Variants in RHCE observed in about 807,000 individuals in gnomAD.
RHCE encodes the protein Rh blood group CcEe antigens, also known as blood group Rh(CE) polypeptide.
RHCE carries 22 observed loss-of-function variants against 43.8 expected under a neutral mutation model. That is an observed-to-expected ratio of 0.50 (90% CI 0.36 to 0.72). The LOEUF (loss-of-function observed/expected upper bound fraction) is 0.72, where lower values mean the gene tolerates loss of function less well. Ranked by LOEUF, RHCE falls within the 30% of genes least tolerant of loss-of-function variation. RHCE has a pLI of 0.00. For synonymous variants in RHCE, 156 were observed against 210.7 expected (o/e 0.74, Z 2.25); for missense variants, 385 against 525.4 (o/e 0.73, Z 2.61).
intron 3 of RHCE, among the ~76,000 whole-genome samples, chr1:25,401,365 AG>A (rs1169763789): frequency 6.6e-6 from 1 of 152,132 alleles, no homozygotes; most frequent in African/African-American, 2.4e-5. Flanking sequence ...TTTGACTCCA[AG>A]TCCAGTGCAC....
In RHCE at chr1:25,420,740, C is replaced by T. The variant is rs1306718819; in HGVS notation, c.47G>A (p.Cys16Tyr). ...GAGAGCTGCTTCCAGTGTTAGGGCG[C>T]AGAGGGGCAGGCAGCGCCGGACAGA... ...PRSVRRCLPL[C>Y]ALTLEAALIL... is the part of the protein sequence containing the mutation. The change falls in exon 1 of 10, where the codon TGC becomes TAC. Residue 16 changes from cysteine (C) to tyrosine (Y), a missense_variant. Around this residue, in one of 6 missense-constraint regions of RHCE, gnomAD observed 110 missense variants for 192.1 expected, o/e 0.57. Transcript: ENST00000294413. The T allele has an allele frequency of 6.2e-7, 1 of 1,608,252 alleles. No individual in the cohort carries two copies. Among genetic ancestry groups the T allele is most frequent in the Non-Finnish European group, 8.5e-7 (1 of 1,176,258 alleles).
chr1:25,406,841 G>C (rs2124494676), intron 2 of RHCE, among the ~76,000 whole-genome samples: 1 of 116,178 alleles, frequency 8.6e-6, no homozygotes, highest in Admixed American at 9.6e-5. Flanking sequence ...TAGCCAGGAT[G>C]GTCTCCATCT....
At chr1:25,416,819 C>CGGGG (rs71014361) in intron 1 of RHCE, among the ~76,000 whole-genome samples, 54 of 116,774 alleles carry the variant, frequency 4.6e-4, no homozygotes, top group African/African-American at 2.0e-3. Flanking sequence ...TTAGAGATGG[C>CGGGG]GGGGGGGGGT....
At chr1:25,393,633 A>G in intron 3 of RHCE, among the ~76,000 whole-genome samples, 1 of 151,760 alleles carries the variant, frequency 6.6e-6, no homozygotes, top group Non-Finnish European at 1.5e-5. Flanking sequence ...AAATAAATAA[A>G]ATAAAATGCA....
At chr1:25,404,099 C>G (rs1429446046) in intron 2 of RHCE, among the ~76,000 whole-genome samples, 3 of 143,020 alleles carry the variant, frequency 2.1e-5, no homozygotes, top group African/African-American at 5.3e-5. Flanking sequence ...ACCCGGGAGG[C>G]AGAGGTTGCA....
At position 25,408,353 on chromosome 1, in the gene RHCE, G is replaced by A. The variant is rs761906460; in HGVS notation, c.335+330C>T. Among the ~76,000 whole-genome samples, 9 of 121,284 alleles carry A rather than the reference G, an allele frequency of 7.4e-5. 3 individuals are homozygous for A. Among genetic ancestry groups the A allele is most frequent in the Admixed American group, 2.7e-4 (3 of 11,142 alleles). The allele number at this position is 121,284 out of a possible 152,430, so 79.6% of individuals were successfully genotyped here. The stretch of plus-strand genomic sequence containing the variant: ...GCATGTCTATTTCTCTCTGTCTAAC[G>A]TGTTTCCTTCTTACGTTTTCCATAA... On this transcript the variant is annotated intron_variant, in intron 2 of 9. Transcript: ENST00000294413.
rs1251314593 is a variant in RHCE, at chr1:25,408,294, G to GA, written c.335+388dup. Among the ~76,000 whole-genome samples, 510 of 104,092 alleles carry GA rather than the reference G, an allele frequency of 4.9e-3. 69 individuals are homozygous for GA. Among genetic ancestry groups the GA allele is most frequent in the Middle Eastern group, 0.022 (4 of 186 alleles). The allele number at this position is 104,092 out of a possible 152,430, so 68.3% of individuals were successfully genotyped here. On this transcript the variant is annotated intron_variant, in intron 2 of 9. Coordinates refer to ENST00000294413, the MANE Select transcript of RHCE (RefSeq NM_020485.8). ...AAAAGCGAAACTCCGTCTCAAAAAA[G>GA]AAAAAAAAAAAATAGAATGTCTCTC...
intron 3 of RHCE, among the ~76,000 whole-genome samples, chr1:25,400,319 A>C (rs1417375089): frequency 6.6e-6 from 1 of 152,214 alleles, no homozygotes; most frequent in Admixed American, 6.5e-5. Flanking sequence ...TCTCCTTGTC[A>C]AATCCAATGG....
At chr1:25,419,247 T>G (rs28525593) in intron 1 of RHCE, among the ~76,000 whole-genome samples, 1 of 152,236 alleles carries the variant, frequency 6.6e-6, no homozygotes. Context: ...AATCATCATG[T>G]GTCTGGATCC....
intron 6 of RHCE, among the ~76,000 whole-genome samples, chr1:25,387,568 C>G (rs1467976297): frequency 6.6e-6 from 1 of 152,190 alleles, no homozygotes; most frequent in Non-Finnish European, 1.5e-5. Context: ...CTGATGGTAA[C>G]TTGCTATGTG....
At chr1:25,369,020 C>G (rs757409845) in intron 9 of RHCE, among the ~76,000 whole-genome samples, 5 of 151,754 alleles carry the variant, frequency 3.3e-5, no homozygotes, top group Admixed American at 6.5e-5. Context: ...CTTGGCCTCC[C>G]AAAGTGCTGG....
At chr1:25,393,020 T>C (rs666686) in intron 3 of RHCE, among the ~76,000 whole-genome samples, 75,939 of 151,906 alleles carry the variant, frequency 0.5, 19,353 homozygotes, top group Non-Finnish European at 0.55. Flanking sequence ...ACCAGACTTC[T>C]TGTAATACCA....
chr1:25,372,642 G>A (rs1179525536), intron 8 of RHCE, among the ~76,000 whole-genome samples: 1 of 151,630 alleles, frequency 6.6e-6, no homozygotes, highest in Non-Finnish European at 1.5e-5. Flanking sequence ...AATCTACCTG[G>A]GCTGAGAAAC....
At chr1:25,395,490 T>G (rs1472506106) in intron 3 of RHCE, among the ~76,000 whole-genome samples, 4 of 152,236 alleles carry the variant, frequency 2.6e-5, no homozygotes, top group African/African-American at 9.7e-5. Flanking sequence ...CTCCTGAGTC[T>G]GGCAGCACTT....
At chr1:25,397,481 C>T (rs1646586174) in intron 3 of RHCE, among the ~76,000 whole-genome samples, 1 of 150,418 alleles carries the variant, frequency 6.6e-6, no homozygotes, top group Non-Finnish European at 1.5e-5. Flanking sequence ...TGGGTGACAA[C>T]AGCGAAACTC....
At chr1:25,385,472 G>T (rs1646124363) in intron 7 of RHCE, 1 of 615,162 alleles carries the variant, frequency 1.6e-6, no homozygotes. Flanking sequence ...AAGATTTCGT[G>T]TCTTTGGTCT....
At chr1:25,369,285 T>A (rs916867482) in intron 9 of RHCE, among the ~76,000 whole-genome samples, 22 of 151,552 alleles carry the variant, frequency 1.5e-4, no homozygotes, top group Non-Finnish European at 2.5e-4. Context: ...AGCATTGGCC[T>A]GGGACTCAGA....
intron 2 of RHCE, 100 bp from the exon 3 acceptor site, chr1:25,402,846 T>C (rs1181089167): frequency 2.0e-6 from 3 of 1,533,560 alleles, no homozygotes; most frequent in Non-Finnish European, 2.7e-6. Flanking sequence ...TTGGGCACCT[T>C]ACTTTCTGTG....
At chr1:25,406,440 G>A (rs1646923928) in intron 2 of RHCE, among the ~76,000 whole-genome samples, 1 of 118,504 alleles carries the variant, frequency 8.4e-6, no homozygotes, top group Non-Finnish European at 1.9e-5. Flanking sequence ...AGCCTCCCAA[G>A]TAGCTGGGAT....
Sources: gnomAD v4.1 joint callset for allele counts (sites outside exome capture counted in the v4.1 genomes callset) on GRCh38, gnomAD v4.1.1 for gene constraint, gnomAD v4.1.1 regional missense constraint, MANE v1.5 for transcripts, NCBI Gene and HGNC (gene_info 2026-07-23, HGNC 2026-07-21) for gene names.